Variants in GSE1 observed in about 807,000 individuals in gnomAD.
GSE1 encodes the protein Gse1 coiled-coil protein.
GSE1 carries 32 observed loss-of-function variants against 112.6 expected under a neutral mutation model. The observed-to-expected ratio is 0.28, with a 90% CI of 0.21 to 0.38. The LOEUF (loss-of-function observed/expected upper bound fraction) is 0.38, where lower values mean the gene tolerates loss of function less well. Among genes scored for constraint, GSE1 ranks in the 10% least tolerant of loss-of-function variants. The pLI is 1.00. For missense variants in GSE1, 2,348 were observed against 1,699.2 expected (o/e 1.38, Z -6.71); for synonymous variants, 1,115 against 735.6 (o/e 1.52, Z -8.35).
chr16:85,332,240 G>A (rs1157531465), intron 1 of GSE1, among the ~76,000 whole-genome samples: 1 of 152,220 alleles, frequency 6.6e-6, no homozygotes, highest in African/African-American at 2.4e-5. Flanking sequence ...CGTCGGCCAT[G>A]AGAGGGGGCT....
At chr16:85,204,135 G>A (rs539805103) in intron 1 of GSE1, among the ~76,000 whole-genome samples, 6 of 152,220 alleles carry the variant, frequency 3.9e-5, no homozygotes, top group Non-Finnish European at 7.4e-5. Flanking sequence ...CCCATTCCCC[G>A]TTCCCCTCAG....
In GSE1 at chr16:85,674,190, G is replaced by C. The variant is rs1265794811; in HGVS notation, c.*1651G>C. 6.6e-6 allele frequency: 1 copy of C among 152,322 alleles called. No homozygotes were observed. The highest frequency in any genetic ancestry group is 2.4e-5 in the African/African-American group (1 of 41,464). The allele number at this position is 152,322 out of a possible 1,614,324, so 9.4% of individuals were successfully genotyped here. ...CTGACCTGTGTGCCGGCTGCTCACT[G>C]CTGTGACCAGCAGCCGAGCCCTTGG... is the stretch of plus-strand genomic sequence containing the variant. On this transcript the variant is annotated 3_prime_UTR_variant, in exon 16 of 16. Coordinates refer to ENST00000253458, the MANE Select transcript of GSE1 (RefSeq NM_014615.5).
intron 1 of GSE1, among the ~76,000 whole-genome samples, chr16:85,604,764 A>T (rs1276475872): frequency 1.9e-4 from 1 of 5,132 alleles, no homozygotes; most frequent in East Asian, 4.8e-3. Flanking sequence ...AAAAAAAAAA[A>T]AAAAAAAAAA....
intron 1 of GSE1, among the ~76,000 whole-genome samples, chr16:85,632,505 G>T (rs1236367398): frequency 1.3e-5 from 2 of 152,200 alleles, no homozygotes; most frequent in Non-Finnish European, 2.9e-5. Flanking sequence ...AAGTTCTGGG[G>T]ATAGCAGGTG....
At chr16:85,590,316 G>A (rs899165218) in intron 1 of GSE1, among the ~76,000 whole-genome samples, 2 of 151,368 alleles carry the variant, frequency 1.3e-5, no homozygotes, top group African/African-American at 4.9e-5. Flanking sequence ...ATGGGCCCAT[G>A]TGTGAATGTG....
At chr16:85,560,838 A>C (rs181528992) in intron 1 of GSE1, among the ~76,000 whole-genome samples, 140 of 152,156 alleles carry the variant, frequency 9.2e-4, no homozygotes, top group African/African-American at 3.2e-3. Flanking sequence ...AAATAATAAT[A>C]ATAACGAGGA....
At chr16:85,272,135 G>C (rs1371279638) in intron 1 of GSE1, among the ~76,000 whole-genome samples, 1 of 152,242 alleles carries the variant, frequency 6.6e-6, no homozygotes, top group Non-Finnish European at 1.5e-5. Flanking sequence ...TTAGCTGGGT[G>C]CACACGCAGG....
At chr16:85,583,716 C>G (rs1434595300) in intron 1 of GSE1, 1 of 152,170 alleles carries the variant, frequency 6.6e-6, no homozygotes, top group Non-Finnish European at 1.5e-5. Context: ...TTTGTCTTTA[C>G]CCACTGCCAA....
intron 1 of GSE1, among the ~76,000 whole-genome samples, chr16:85,186,337 G>A (rs1043258343): frequency 6.6e-6 from 1 of 152,034 alleles, no homozygotes; most frequent in Non-Finnish European, 1.5e-5. Context: ...GGGTGCGGTC[G>A]CTCACACCTG....
intron 1 of GSE1, among the ~76,000 whole-genome samples, chr16:85,562,428 G>T (rs747371482): frequency 6.6e-6 from 1 of 152,162 alleles, no homozygotes; most frequent in Non-Finnish European, 1.5e-5. Flanking sequence ...TACGCCATGG[G>T]TGGGAACCTG....
chr16:85,640,888 G>T (rs76158620), intron 2 of GSE1, among the ~76,000 whole-genome samples: 4 of 152,310 alleles, frequency 2.6e-5, no homozygotes, highest in East Asian at 1.9e-4. Context: ...GTGCCTCTCC[G>T]TTCTCCTGGC....
chr16:85,397,940 C>T (rs764074893), intron 2 of GSE1, among the ~76,000 whole-genome samples: 2 of 150,798 alleles, frequency 1.3e-5, no homozygotes, highest in Non-Finnish European at 3.0e-5. Context: ...AATCCTGGGG[C>T]CTGGGCTCCA....
intron 2 of GSE1, among the ~76,000 whole-genome samples, chr16:85,637,262 G>A (rs572313165): frequency 8.0e-4 from 122 of 152,314 alleles, no homozygotes; most frequent in African/African-American, 2.7e-3. Flanking sequence ...ATGGGCTGGC[G>A]CGGTGCGTGT....
chr16:85,188,190 CGGAG>C (rs921892678), intron 1 of GSE1, among the ~76,000 whole-genome samples: 4 of 152,138 alleles, frequency 2.6e-5, no homozygotes, highest in African/African-American at 9.7e-5. Context: ...ATCTGAGAGA[CGGAG>C]GGGCATTCAG....
intron 2 of GSE1, among the ~76,000 whole-genome samples, chr16:85,521,331 G>A (rs1453576245): frequency 6.6e-6 from 1 of 152,214 alleles, no homozygotes; most frequent in Non-Finnish European, 1.5e-5. Context: ...TGTAGAGGAG[G>A]AACTGGAGCT....
At chr16:85,488,620 G>T (rs1479792857) in intron 2 of GSE1, among the ~76,000 whole-genome samples, 3 of 152,112 alleles carry the variant, frequency 2.0e-5, no homozygotes, top group Non-Finnish European at 1.5e-5. Flanking sequence ...TGCCACAAGA[G>T]AGGAAGTTCA....
At chr16:85,310,781 C>A (rs1057013231) in intron 1 of GSE1, among the ~76,000 whole-genome samples, 46 of 147,152 alleles carry the variant, frequency 3.1e-4, no homozygotes, top group African/African-American at 8.5e-4. Context: ...TGGCCTGCGT[C>A]CCCCCCCCAC....
intron 2 of GSE1, among the ~76,000 whole-genome samples, chr16:85,646,283 C>T (rs181489146): frequency 1.1e-3 from 169 of 152,388 alleles, no homozygotes; most frequent in Non-Finnish European, 2.0e-3. Context: ...ATGCCCCGGG[C>T]TGTAGGTGCC....
At chr16:85,655,314 G>T (rs1289448427) in intron 5 of GSE1, among the ~76,000 whole-genome samples, 3 of 152,222 alleles carry the variant, frequency 2.0e-5, no homozygotes, top group Non-Finnish European at 4.4e-5. Context: ...TTGCTGTGTA[G>T]CAGGAGACCT....
Sources: allele counts gnomAD v4.1 joint callset (sites outside exome capture counted in the v4.1 genomes callset), GRCh38; gene constraint gnomAD v4.1.1; transcripts MANE v1.5; gene names NCBI Gene and HGNC (gene_info 2026-07-23, HGNC 2026-07-21).